The following SLIT2 variants were observed in gnomAD, a reference collection of about 807,000 sequenced individuals.
The protein encoded by SLIT2 is slit guidance ligand 2.
Under a neutral mutation model 185.7 loss-of-function variants are expected in SLIT2, and 41 were observed. That is an observed-to-expected ratio of 0.22 (90% CI 0.17 to 0.29). SLIT2 has a LOEUF of 0.29. SLIT2 is among the 10% of genes least tolerant of loss of function. The probability of loss-of-function intolerance (pLI) is 1.00; values close to 1 mark genes in which losing one functional copy is unlikely to be tolerated. For missense variants in SLIT2, 1,571 were observed against 1,909.0 expected (o/e 0.82, Z 3.30); for synonymous variants, 693 against 680.2 (o/e 1.02, Z -0.29).
At chr4:20,542,733 T>G in intron 21 of SLIT2, 107 bp downstream of exon 21, 1 of 1,186,864 alleles carries the variant, frequency 8.4e-7, no homozygotes, top group Non-Finnish European at 1.2e-6. Flanking sequence ...ACAAATCATA[T>G]TCTAAGGCCA....
At chr4:20,385,504 A>T (rs1724866132) in intron 4 of SLIT2, among the ~76,000 whole-genome samples, 1 of 152,154 alleles carries the variant, frequency 6.6e-6, no homozygotes, top group African/African-American at 2.4e-5. Flanking sequence ...GGCACATGTT[A>T]AAGGAAAGGC....
chr4:20,533,920 C>A (rs1487358314), intron 18 of SLIT2, among the ~76,000 whole-genome samples: 1 of 113,052 alleles, frequency 8.8e-6, no homozygotes, highest in Non-Finnish European at 1.7e-5. Flanking sequence ...AATATTCCTG[C>A]CTTCGATGTG....
At chr4:20,569,278 C>A (rs766737926) in intron 29 of SLIT2, 2 of 378,660 alleles carry the variant, frequency 5.3e-6, no homozygotes, top group Non-Finnish European at 9.8e-6. Flanking sequence ...TTTAGTCCCA[C>A]AATTAAATGG....
intron 4 of SLIT2, among the ~76,000 whole-genome samples, chr4:20,329,138 T>C (rs1004389525): frequency 3.9e-5 from 6 of 152,026 alleles, no homozygotes; most frequent in African/African-American, 1.4e-4. Context: ...GTTACCTGTT[T>C]ATTCATTCAT....
At chr4:20,541,230 G>A (rs1183942625) in intron 19 of SLIT2, among the ~76,000 whole-genome samples, 3 of 152,034 alleles carry the variant, frequency 2.0e-5, no homozygotes, top group African/African-American at 4.8e-5. Flanking sequence ...ATTACCTTAT[G>A]TAAAAGTGTT....
At chr4:20,478,459 T>C (rs763634160) in intron 5 of SLIT2, among the ~76,000 whole-genome samples, 1 of 152,204 alleles carries the variant, frequency 6.6e-6, no homozygotes, top group Non-Finnish European at 1.5e-5. Context: ...CAACTTCTGC[T>C]CCTGTAAGGA....
chr4:20,310,682 C>A (rs1359188492), intron 4 of SLIT2, among the ~76,000 whole-genome samples: 1 of 152,114 alleles, frequency 6.6e-6, no homozygotes, highest in Non-Finnish European at 1.5e-5. Flanking sequence ...TATCCTAAAC[C>A]CACGCCCCTG....
chr4:20,399,225 T>C (rs1196140439), intron 4 of SLIT2, among the ~76,000 whole-genome samples: 2 of 150,438 alleles, frequency 1.3e-5, no homozygotes, highest in Non-Finnish European at 2.9e-5. Flanking sequence ...AAAATAATAG[T>C]AGCATAATAT....
At chr4:20,379,557 A>G (rs1445184707) in intron 4 of SLIT2, among the ~76,000 whole-genome samples, 1 of 152,154 alleles carries the variant, frequency 6.6e-6, no homozygotes, top group Non-Finnish European at 1.5e-5. Flanking sequence ...TCCATAAGCA[A>G]TAGAAACTAG....
intron 26 of SLIT2, among the ~76,000 whole-genome samples, chr4:20,566,306 GTA>G (rs1725088394): frequency 6.6e-6 from 1 of 152,042 alleles, no homozygotes; most frequent in South Asian, 2.1e-4. Flanking sequence ...AGTAAGAAAT[GTA>G]TGTGTTTTAT....
intron 4 of SLIT2, 81 bp from the exon 5 acceptor site, chr4:20,467,671 A>G (rs1714507328): frequency 9.4e-6 from 8 of 851,418 alleles, no homozygotes; most frequent in Middle Eastern, 3.5e-4. Flanking sequence ...CTGGTGTCCT[A>G]TAACTTCTCA....
chr4:20,303,085 A>G (rs533891228), intron 4 of SLIT2, among the ~76,000 whole-genome samples: 33 of 152,204 alleles, frequency 2.2e-4, no homozygotes, highest in Non-Finnish European at 3.4e-4. Flanking sequence ...TTTATTATCT[A>G]TATCTGTGAT....
intron 26 of SLIT2, among the ~76,000 whole-genome samples, chr4:20,560,095 G>T (rs982866512): frequency 2.0e-5 from 3 of 151,720 alleles, no homozygotes; most frequent in Non-Finnish European, 4.4e-5. Context: ...TATAATTGAG[G>T]TTTACATATT....
intron 4 of SLIT2, among the ~76,000 whole-genome samples, chr4:20,299,276 G>A (rs769097441): frequency 6.6e-6 from 1 of 152,028 alleles, no homozygotes; most frequent in Non-Finnish European, 1.5e-5. Context: ...AGAATATACA[G>A]ACTTTTAAAA....
chr4:20,390,249 G>T (rs918824226), intron 4 of SLIT2, among the ~76,000 whole-genome samples: 1 of 152,092 alleles, frequency 6.6e-6, no homozygotes, highest in Non-Finnish European at 1.5e-5. Flanking sequence ...TGATGGAAAT[G>T]TAAAATATTG....
At chr4:20,272,562 A>T (rs1713736850) in intron 4 of SLIT2, among the ~76,000 whole-genome samples, 2 of 152,144 alleles carry the variant, frequency 1.3e-5, no homozygotes, top group Admixed American at 1.3e-4. Context: ...TGAGTTTGCG[A>T]CTACTAATCT....
chr4:20,260,870 C>T (rs1247191426), intron 3 of SLIT2, among the ~76,000 whole-genome samples: 1 of 151,726 alleles, frequency 6.6e-6, no homozygotes, highest in African/African-American at 2.4e-5. Context: ...TTTCTTTCCT[C>T]CTCCTCTCCC....
At chr4:20,416,133 T>C (rs1727662933) in intron 4 of SLIT2, among the ~76,000 whole-genome samples, 1 of 152,238 alleles carries the variant, frequency 6.6e-6, no homozygotes, top group South Asian at 2.1e-4. Context: ...AATGTATTAT[T>C]GTCATTCTTT....
chr4:20,280,837 T>G (rs1044923273), intron 4 of SLIT2, among the ~76,000 whole-genome samples: 41 of 151,490 alleles, frequency 2.7e-4, no homozygotes, highest in African/African-American at 8.0e-4. Context: ...AAAAATGTTT[T>G]TTTTTTTTTT....
Sources: gnomAD v4.1 joint callset for allele counts (sites outside exome capture counted in the v4.1 genomes callset) on GRCh38, gnomAD v4.1.1 for gene constraint, MANE v1.5 for transcripts, NCBI Gene and HGNC (gene_info 2026-07-23, HGNC 2026-07-21) for gene names.